Variants in APBA2 observed in about 807,000 individuals in gnomAD.
APBA2 encodes the protein amyloid beta precursor protein binding family A member 2, also known as amyloid-beta A4 precursor protein-binding family A member 2.
Under a neutral mutation model 75.0 loss-of-function variants are expected in APBA2, and 30 were observed. The ratio of observed to expected loss-of-function variants is 0.40; its 90% CI spans 0.30 to 0.54. The LOEUF (loss-of-function observed/expected upper bound fraction) is 0.54. APBA2 is among the 20% of genes least tolerant of loss of function. The pLI is 0.49. For synonymous variants in APBA2, 444 were observed against 409.6 expected (o/e 1.08, Z -1.01); for missense variants, 801 against 1,016.1 (o/e 0.79, Z 2.88).
intron 14 of APBA2, among the ~76,000 whole-genome samples, chr15:29,116,482 G>A (rs1040817452): frequency 8.6e-5 from 13 of 151,872 alleles, no homozygotes; most frequent in African/African-American, 3.1e-4. Flanking sequence ...AAAAAAATTC[G>A]CTGGGTGTGG....
At chr15:28,983,961 T>C (rs1363594495) in intron 2 of APBA2, among the ~76,000 whole-genome samples, 2 of 152,214 alleles carry the variant, frequency 1.3e-5, no homozygotes, top group Non-Finnish European at 2.9e-5. Context: ...TGCCCTGCCC[T>C]GCCCTGCCCC....
At chr15:29,007,817 A>G (rs1396326978) in intron 3 of APBA2, among the ~76,000 whole-genome samples, 1 of 152,230 alleles carries the variant, frequency 6.6e-6, no homozygotes, top group Non-Finnish European at 1.5e-5. Context: ...ACAGTATGAC[A>G]GTTCCTCAAA....
At chr15:28,974,670 TTAAACTC>T (rs1187855770) in intron 2 of APBA2, among the ~76,000 whole-genome samples, 1 of 152,164 alleles carries the variant, frequency 6.6e-6, no homozygotes, top group East Asian at 1.9e-4. Flanking sequence ...AGTTACAAGA[TTAAACTC>T]TATTAAATAA....
At chr15:29,098,452 G>A in intron 8 of APBA2, 38 bp from the exon 9 acceptor site, 1 of 1,471,056 alleles carries the variant, frequency 6.8e-7, no homozygotes, top group Non-Finnish European at 9.5e-7. Flanking sequence ...ATTCCGAGTT[G>A]GTTTTTGGAC....
intron 3 of APBA2, among the ~76,000 whole-genome samples, chr15:29,025,483 G>A (rs2152836138): frequency 8.5e-6 from 1 of 117,740 alleles, no homozygotes; most frequent in Non-Finnish European, 1.5e-5. Flanking sequence ...TAGCCAGGAT[G>A]GTCTCGATTC....
At chr15:29,016,300 G>A (rs558569524) in intron 3 of APBA2, among the ~76,000 whole-genome samples, 1 of 152,152 alleles carries the variant, frequency 6.6e-6, no homozygotes, top group African/African-American at 2.4e-5. Context: ...TCTACCTCTG[G>A]TCAACACAGA....
chr15:29,075,969 C>CATT (rs1290666482), intron 5 of APBA2, 86 bp from the exon 6 acceptor site: 1 of 1,228,004 alleles, frequency 8.1e-7, no homozygotes, highest in African/African-American at 1.5e-5. Context: ...CATTATGGCT[C>CATT]ATATCACAGC....
chr15:29,112,160 G>A (rs2044768796), intron 13 of APBA2, among the ~76,000 whole-genome samples: 1 of 152,230 alleles, frequency 6.6e-6, no homozygotes, highest in South Asian at 2.1e-4. Flanking sequence ...CAGCCACTCG[G>A]CACCTTGTAT....
intron 1 of APBA2, among the ~76,000 whole-genome samples, chr15:28,897,220 A>G (rs1049729733): frequency 2.0e-5 from 3 of 147,140 alleles, no homozygotes; most frequent in African/African-American, 7.8e-5. Flanking sequence ...CACGTCCACT[A>G]AAGAGATGAA....
intron 3 of APBA2, among the ~76,000 whole-genome samples, chr15:28,998,206 T>C (rs923317687): frequency 3.3e-5 from 5 of 151,468 alleles, no homozygotes; most frequent in East Asian, 1.9e-4. Context: ...TTTTCTTTTT[T>C]TTTTTTTTTT....
At chr15:28,915,976 C>T (rs1449115223) in intron 1 of APBA2, among the ~76,000 whole-genome samples, 5 of 152,152 alleles carry the variant, frequency 3.3e-5, no homozygotes, top group Middle Eastern at 3.2e-3. Flanking sequence ...CTGTATCTGA[C>T]GCACACAGCA....
chr15:29,018,427 C>G (rs1189672766), intron 3 of APBA2, among the ~76,000 whole-genome samples: 2 of 152,170 alleles, frequency 1.3e-5, no homozygotes, highest in Non-Finnish European at 2.9e-5. Flanking sequence ...TATATCCCTA[C>G]AGAGACTTCA....
At chr15:29,100,861 G>A (rs992084340) in intron 9 of APBA2, among the ~76,000 whole-genome samples, 1 of 152,170 alleles carries the variant, frequency 6.6e-6, no homozygotes, top group African/African-American at 2.4e-5. Flanking sequence ...GAGACAGCCC[G>A]AGAGCTCACC....
rs147226850 is a variant in APBA2, at chr15:29,025,326, C to T, written c.-40-28519C>T. On this transcript the variant is annotated intron_variant, in intron 3 of 14. Transcript: ENST00000683413. Reference sequence around the variant, plus strand: ...TGTCGCCCAGGCTGGCATGCAGTGGCGCCATCTTAGCTCACTGCAGTCTCC... The same window carrying T: ...TGTCGCCCAGGCTGGCATGCAGTGGTGCCATCTTAGCTCACTGCAGTCTCC... Among the ~76,000 whole-genome samples, 1,080 of 148,318 alleles carry T rather than the reference C, an allele frequency of 7.3e-3. 10 individuals carry two copies. Among genetic ancestry groups the T allele is most frequent in the Non-Finnish European group, 0.012 (779 of 67,352 alleles).
intron 2 of APBA2, among the ~76,000 whole-genome samples, chr15:28,968,558 C>T (rs548424064): frequency 1.3e-5 from 2 of 152,104 alleles, no homozygotes; most frequent in Admixed American, 1.3e-4. Context: ...GTCTCTTTCG[C>T]AGGATTAGAG....
At position 29,034,682 on chromosome 15, in the gene APBA2, A is replaced by G. The variant is rs184727315; in HGVS notation, c.-40-19163A>G. ...TGCTGGGGCACAGACTGTGAAGTGCATATTCAGAATGAATGAAGTGTTACC... is the reference window on the plus strand; with the variant it reads ...TGCTGGGGCACAGACTGTGAAGTGCGTATTCAGAATGAATGAAGTGTTACC... On this transcript the variant is annotated intron_variant, in intron 3 of 14. Coordinates refer to ENST00000683413, the MANE Select transcript of APBA2 (RefSeq NM_001353788.2). 1.6e-3 allele frequency among the ~76,000 whole-genome samples: 246 copies of G among 152,354 alleles called. 2 individuals are homozygous for G. Among genetic ancestry groups the G allele is most frequent in the Non-Finnish European group, 2.5e-3 (172 of 68,032 alleles).
chr15:28,893,669 T>C (rs1390825292), intron 1 of APBA2, among the ~76,000 whole-genome samples: 1 of 152,134 alleles, frequency 6.6e-6, no homozygotes, highest in Non-Finnish European at 1.5e-5. Flanking sequence ...TTCAGGTACT[T>C]GGAGAGGAGC....
intron 2 of APBA2, among the ~76,000 whole-genome samples, chr15:28,944,510 C>G (rs889923518): frequency 1.3e-5 from 2 of 152,224 alleles, no homozygotes; most frequent in Admixed American, 1.3e-4. Context: ...GACCACCCTG[C>G]GGACTCGCTC....
intron 3 of APBA2, among the ~76,000 whole-genome samples, chr15:29,022,334 C>G (rs2039992756): frequency 6.6e-6 from 1 of 152,192 alleles, no homozygotes; most frequent in Non-Finnish European, 1.5e-5. Context: ...ACTAGCCATT[C>G]TTACAGGTAA....
Sources: allele counts gnomAD v4.1 joint callset (sites outside exome capture counted in the v4.1 genomes callset), GRCh38; gene constraint gnomAD v4.1.1; transcripts MANE v1.5; gene names NCBI Gene and HGNC (gene_info 2026-07-23, HGNC 2026-07-21).